The following GPC5 variants were observed in gnomAD, a reference collection of about 807,000 sequenced individuals.
GPC5 encodes glypican-5.
Under a neutral mutation model 53.9 loss-of-function variants are expected in GPC5, and 47 were observed. The observed-to-expected ratio is 0.87, with a 90% CI of 0.69 to 1.11. The LOEUF (loss-of-function observed/expected upper bound fraction) is 1.11. GPC5 is among the 50% of genes most tolerant of loss of function. GPC5 has a pLI of 0.00. For synonymous variants in GPC5, 286 were observed against 263.3 expected, an observed-to-expected ratio of 1.09 and a Z score of -0.84; for missense variants, 748 against 713.1, an observed-to-expected ratio of 1.05 and a Z score of -0.56.
intron 6 of GPC5, among the ~76,000 whole-genome samples, chr13:91,956,258 G>C (rs771051362): frequency 6.6e-6 from 1 of 151,884 alleles, no homozygotes; most frequent in Non-Finnish European, 1.5e-5. Context: ...CTTTTTCCAG[G>C]AGCAGGAGGT....
At chr13:92,622,374 T>C (rs946809186) in intron 7 of GPC5, among the ~76,000 whole-genome samples, 6 of 152,272 alleles carry the variant, frequency 3.9e-5, no homozygotes, top group African/African-American at 1.4e-4. Flanking sequence ...TGCTGCACGC[T>C]CCATTTTTGT....
intron 2 of GPC5, among the ~76,000 whole-genome samples, chr13:91,455,482 T>A (rs1331844719): frequency 1.3e-5 from 2 of 152,158 alleles, no homozygotes; most frequent in African/African-American, 4.8e-5. Context: ...CACATGCAGT[T>A]CTTTATTTTG....
At chr13:92,141,113 CTTA>C (rs996927387) in intron 6 of GPC5, among the ~76,000 whole-genome samples, 49 of 152,264 alleles carry the variant, frequency 3.2e-4, no homozygotes, top group South Asian at 1.4e-3. Flanking sequence ...GAATAAAGAT[CTTA>C]TTGTGAAAAG....
intron 7 of GPC5, among the ~76,000 whole-genome samples, chr13:92,305,304 T>C (rs1566529942): frequency 6.6e-6 from 1 of 152,318 alleles, no homozygotes; most frequent in East Asian, 1.9e-4. Flanking sequence ...TGTAATCTAT[T>C]ATTTAATTTA....
chr13:92,047,435 T>TAC (rs2040991341), intron 6 of GPC5, among the ~76,000 whole-genome samples: 1 of 95,964 alleles, frequency 1.0e-5, no homozygotes, highest in Non-Finnish European at 2.5e-5. Context: ...TTAAACTATA[T>TAC]ATATATATTT....
intron 5 of GPC5, among the ~76,000 whole-genome samples, chr13:91,885,488 T>C (rs746738445): frequency 6.6e-6 from 1 of 152,238 alleles, no homozygotes; most frequent in South Asian, 2.1e-4. Flanking sequence ...CATTCAGTGA[T>C]AGCTTTGATC....
At chr13:92,270,408 C>A (rs1222704813) in intron 7 of GPC5, among the ~76,000 whole-genome samples, 1 of 152,094 alleles carries the variant, frequency 6.6e-6, no homozygotes, top group East Asian at 1.9e-4. Context: ...TGTAGCACCT[C>A]CACACCTCTC....
At chr13:92,346,782 A>G (rs1417695362) in intron 7 of GPC5, among the ~76,000 whole-genome samples, 1 of 152,210 alleles carries the variant, frequency 6.6e-6, no homozygotes, top group Non-Finnish European at 1.5e-5. Context: ...CTATAAGAAT[A>G]TATGGATAAA....
chr13:92,720,683 C>T (rs575142016), intron 7 of GPC5, among the ~76,000 whole-genome samples: 1 of 151,966 alleles, frequency 6.6e-6, no homozygotes, highest in Admixed American at 6.6e-5. Context: ...TAAAGATTTA[C>T]TTATTCTTAT....
intron 3 of GPC5, among the ~76,000 whole-genome samples, chr13:91,718,727 T>C (rs2036400588): frequency 6.6e-6 from 1 of 152,160 alleles, no homozygotes; most frequent in Non-Finnish European, 1.5e-5. Context: ...CAGGGTAGAA[T>C]TCCTCTCTTT....
At chr13:91,993,364 T>A (rs968471790) in intron 6 of GPC5, among the ~76,000 whole-genome samples, 1 of 152,166 alleles carries the variant, frequency 6.6e-6, no homozygotes, top group Non-Finnish European at 1.5e-5. Flanking sequence ...ATACCTTTTT[T>A]TTTTCCTCCA....
At chr13:92,607,381 G>C (rs1251397659) in intron 7 of GPC5, among the ~76,000 whole-genome samples, 2 of 152,016 alleles carry the variant, frequency 1.3e-5, no homozygotes, top group African/African-American at 4.8e-5. Flanking sequence ...GCTGGCATTA[G>C]AGAAATAATA....
intron 7 of GPC5, among the ~76,000 whole-genome samples, chr13:92,279,643 TTTATC>T (rs1204907615): frequency 6.6e-6 from 1 of 151,946 alleles, no homozygotes; most frequent in Non-Finnish European, 1.5e-5. Flanking sequence ...GGTATTGAAT[TTTATC>T]TTATTGCTTT....
Position 91,693,455 on chromosome 13 carries a change from C to T in GPC5, c.594C>T (p.Arg198=), listed in dbSNP as rs142572211. The T allele has an allele frequency of 1.9e-6, 3 of 1,613,964 alleles. No homozygotes were observed. Among genetic ancestry groups the T allele is most frequent in the African/African-American group, 2.7e-5 (2 of 74,882 alleles). Residue 198 remains arginine, a synonymous_variant, in exon 3 of 8, where the codon CGC becomes CGT. Transcript: ENST00000377067. ...LEYSECIRMA[R]RDVSPFGNIP... is the part of the protein sequence containing the mutation. Reference sequence around the variant, plus strand: ...ACTCAGAATGCATCCGGATGGCTCGCCGGGATGTGAGTCCATTTGGTAATA... The same window carrying T: ...ACTCAGAATGCATCCGGATGGCTCGTCGGGATGTGAGTCCATTTGGTAATA...
chr13:92,791,672 CAGTT>C (rs1321914011), intron 7 of GPC5, among the ~76,000 whole-genome samples: 1 of 151,936 alleles, frequency 6.6e-6, no homozygotes, highest in African/African-American at 2.4e-5. Flanking sequence ...TCTGTGGTTA[CAGTT>C]ACATTTTAGT....
intron 7 of GPC5, among the ~76,000 whole-genome samples, chr13:92,817,022 T>C (rs1254794952): frequency 6.6e-6 from 1 of 151,980 alleles, no homozygotes. Flanking sequence ...AATGGGTTGG[T>C]TCACCTAGTA....
intron 5 of GPC5, among the ~76,000 whole-genome samples, chr13:91,786,984 A>G (rs1415124436): frequency 1.4e-5 from 2 of 144,306 alleles, no homozygotes; most frequent in Non-Finnish European, 3.0e-5. Flanking sequence ...TGGTACAATT[A>G]CTTTTATTTT....
At chr13:91,985,135 A>C (rs1378782103) in intron 6 of GPC5, among the ~76,000 whole-genome samples, 1 of 152,144 alleles carries the variant, frequency 6.6e-6, no homozygotes, top group Non-Finnish European at 1.5e-5. Context: ...TTGAAGATGT[A>C]TTATTTGTTG....
chr13:91,915,296 C>T (rs1228542423), intron 6 of GPC5, among the ~76,000 whole-genome samples: 1 of 152,116 alleles, frequency 6.6e-6, no homozygotes, highest in African/African-American at 2.4e-5. Flanking sequence ...TGGAAGGCTG[C>T]TTTCTGGAAT....
Sources: gnomAD v4.1 joint callset for allele counts (sites outside exome capture counted in the v4.1 genomes callset) on GRCh38, gnomAD v4.1.1 for gene constraint, MANE v1.5 for transcripts, NCBI Gene and HGNC (gene_info 2026-07-23, HGNC 2026-07-21) for gene names.